KIF16B: variants seen among roughly 807,000 people sequenced by gnomAD.
KIF16B encodes the protein kinesin-like protein KIF16B.
In KIF16B, 98 loss-of-function variants were observed where a neutral mutation model predicts 156.3. The ratio of observed to expected loss-of-function variants is 0.63; its 90% CI spans 0.53 to 0.74. The LOEUF (loss-of-function observed/expected upper bound fraction) is 0.74, where lower values mean the gene tolerates loss of function less well. KIF16B is among the 30% of genes least tolerant of loss of function. The pLI is 0.00. For missense variants in KIF16B, 1,421 were observed against 1,606.5 expected (o/e 0.88, Z 1.97); for synonymous variants, 564 against 583.7 (o/e 0.97, Z 0.49).
At chr20:16,402,813 GA>G (rs1387881860) in intron 17 of KIF16B, among the ~76,000 whole-genome samples, 1 of 152,196 alleles carries the variant, frequency 6.6e-6, no homozygotes, top group Non-Finnish European at 1.5e-5. Context: ...GAAAGTCACT[GA>G]AAAGTTCTGA....
intron 1 of KIF16B, among the ~76,000 whole-genome samples, chr20:16,553,605 T>A (rs552587186): frequency 6.6e-6 from 1 of 152,222 alleles, no homozygotes; most frequent in African/African-American, 2.4e-5. Context: ...TAAGCTCACA[T>A]TGATGTTCCT....
intron 1 of KIF16B, among the ~76,000 whole-genome samples, chr20:16,567,555 G>C (rs921243913): frequency 6.6e-6 from 1 of 152,188 alleles, no homozygotes; most frequent in Non-Finnish European, 1.5e-5. Flanking sequence ...GAAGGGAACC[G>C]AAGCAGCTGG....
In KIF16B at chr20:16,380,097, C is replaced by CT. The variant is rs771312103; in HGVS notation, c.1904dup (p.Glu636GlyfsTer45). On this transcript the variant is annotated frameshift_variant, in exon 19 of 26. Coordinates refer to ENST00000354981, the MANE Select transcript of KIF16B (RefSeq NM_024704.5). LOFTEE classifies it high-confidence loss of function. ...TCTCCTTGCGCTGGGTCTCCACCTC[C>CT]TGCTGCATCCGCTCCAGTTCAGCCT... is the stretch of plus-strand genomic sequence containing the variant. 6.5e-7 allele frequency: 1 copy of CT among 1,529,022 alleles called. No homozygotes were observed. Among genetic ancestry groups the CT allele is most frequent in the Non-Finnish European group, 8.7e-7 (1 of 1,143,614 alleles). 94.7% of individuals were successfully genotyped at this position (1,529,022 alleles called of 1,614,324 possible). A position where few individuals can be genotyped will look rare whatever the true frequency, so the allele number is the denominator to read the frequency against.
At chr20:16,278,046 G>A (rs759122054) in intron 25 of KIF16B, among the ~76,000 whole-genome samples, 5 of 152,162 alleles carry the variant, frequency 3.3e-5, no homozygotes, top group Non-Finnish European at 5.9e-5. Context: ...GTTGGAGGAG[G>A]AAAGTCAGAT....
At chr20:16,509,188 C>T (rs550614225) in intron 6 of KIF16B, among the ~76,000 whole-genome samples, 1 of 152,266 alleles carries the variant, frequency 6.6e-6, no homozygotes, top group East Asian at 1.9e-4. Context: ...ATTTTTAAGG[C>T]TGCAGGGGAT....
intron 25 of KIF16B, among the ~76,000 whole-genome samples, chr20:16,273,661 CTCAATCAATCAATCAA>C (rs35085462): frequency 4.3e-4 from 64 of 149,398 alleles, no homozygotes; most frequent in East Asian, 1.4e-3. Context: ...AAGACCCTGT[CTCAATCAATCAATCAA>C]TCAATCAATC....
intron 15 of KIF16B, among the ~76,000 whole-genome samples, chr20:16,420,932 A>G (rs2066210544): frequency 6.6e-6 from 1 of 152,176 alleles, no homozygotes; most frequent in Non-Finnish European, 1.5e-5. Context: ...GAGATGAAAT[A>G]GCACACACAT....
In KIF16B at chr20:16,572,533, T is replaced by C. The variant is rs944793299; in HGVS notation, c.47+696A>G. 3.3e-5 allele frequency among the ~76,000 whole-genome samples: 5 copies of C among 152,250 alleles called. No individual in the cohort carries two copies. In the East Asian group the frequency reaches 7.7e-4, roughly 23 times the overall value. On this transcript the variant is annotated intron_variant, in intron 1 of 25. Transcript: ENST00000354981. The stretch of plus-strand genomic sequence containing the variant: ...TTCTAAACGGATTAAAAAGAGGTCA[T>C]TGAAAAGGGAGCACAGGCTATTTTT...
At chr20:16,316,309 A>T (rs2063697193) in intron 24 of KIF16B, among the ~76,000 whole-genome samples, 1 of 152,224 alleles carries the variant, frequency 6.6e-6, no homozygotes, top group Non-Finnish European at 1.5e-5. Context: ...TTTCAAAAGA[A>T]TATTTTTCTT....
At chr20:16,382,004 G>T in intron 17 of KIF16B, 1 of 980,204 alleles carries the variant, frequency 1.0e-6, no homozygotes, top group Non-Finnish European at 1.4e-6. Context: ...AAACTGTATT[G>T]AAAAAGCAGA....
rs917205277 is a variant in KIF16B at position 16,479,371 on chromosome 20, C to A, written c.1302+14920G>T. Among the ~76,000 whole-genome samples, 4 of 151,838 alleles carry A rather than the reference C, an allele frequency of 2.6e-5. No individual in the cohort carries two copies. The East Asian group carries it at 5.8e-4, about 22-fold the overall frequency. On this transcript the variant is annotated intron_variant, in intron 12 of 25. Coordinates refer to ENST00000354981, the MANE Select transcript of KIF16B (RefSeq NM_024704.5). Reference sequence around the variant, plus strand: ...TGGGGACTGGAGGCGGCGGATGGGGCAGGGGGAGGGAGAGCATCAGGAAAA... The same window carrying A: ...TGGGGACTGGAGGCGGCGGATGGGGAAGGGGGAGGGAGAGCATCAGGAAAA...
intron 15 of KIF16B, among the ~76,000 whole-genome samples, chr20:16,415,660 C>T (rs1266067859): frequency 6.6e-6 from 1 of 152,146 alleles, no homozygotes; most frequent in Non-Finnish European, 1.5e-5. Context: ...CTCCTCCCTC[C>T]ATCCCCTTTC....
At chr20:16,315,152 C>T (rs1476233845) in intron 24 of KIF16B, among the ~76,000 whole-genome samples, 1 of 152,182 alleles carries the variant, frequency 6.6e-6, no homozygotes, top group Admixed American at 6.5e-5. Context: ...GCATTCACAT[C>T]TCCTGCTAGT....
chr20:16,386,318 T>G (rs1225446637), intron 17 of KIF16B, among the ~76,000 whole-genome samples: 1 of 151,978 alleles, frequency 6.6e-6, no homozygotes, highest in Non-Finnish European at 1.5e-5. Context: ...AGAGGGTATC[T>G]AAAGAAAGAG....
intron 1 of KIF16B, among the ~76,000 whole-genome samples, chr20:16,549,032 T>G (rs1355683043): frequency 1.5e-5 from 2 of 132,038 alleles, no homozygotes; most frequent in Admixed American, 1.5e-4. Flanking sequence ...TTATGTTTTT[T>G]TTTCGTTAGT....
chr20:16,421,706 C>T (rs1389787767), intron 15 of KIF16B, among the ~76,000 whole-genome samples: 2 of 152,220 alleles, frequency 1.3e-5, no homozygotes, highest in South Asian at 2.1e-4. Flanking sequence ...AAAGTCATCT[C>T]GCATTTTACT....
At chr20:16,329,965 T>A (rs2122886993) in intron 24 of KIF16B, among the ~76,000 whole-genome samples, 1 of 152,302 alleles carries the variant, frequency 6.6e-6, no homozygotes, top group African/African-American at 2.4e-5. Flanking sequence ...CTGTCCTTCT[T>A]CAGTATTACA....
intron 24 of KIF16B, among the ~76,000 whole-genome samples, chr20:16,325,318 GAGAA>G (rs747727030): frequency 9.2e-5 from 14 of 151,808 alleles, no homozygotes; most frequent in Admixed American, 3.3e-4. Flanking sequence ...AATCAGACAA[GAGAA>G]AGAAAGAAAG....
chr20:16,538,968 C>T (rs73101076), intron 1 of KIF16B, among the ~76,000 whole-genome samples: 10,959 of 152,180 alleles, frequency 0.072, 520 homozygotes, highest in South Asian at 0.16. Flanking sequence ...CCCACTTTAC[C>T]TTCAGCCATG....
Sources: gnomAD v4.1 joint callset for allele counts (sites outside exome capture counted in the v4.1 genomes callset) on GRCh38, gnomAD v4.1.1 for gene constraint, MANE v1.5 for transcripts, NCBI Gene and HGNC (gene_info 2026-07-23, HGNC 2026-07-21) for gene names.